Variants in RBL2 observed in about 807,000 individuals in gnomAD.
RBL2 encodes RB transcriptional corepressor like 2.
In RBL2, 56 loss-of-function variants were observed where a neutral mutation model predicts 126.0. That is an observed-to-expected ratio of 0.44 (90% CI 0.36 to 0.56). The LOEUF is 0.56. RBL2 is among the 20% of genes least tolerant of loss of function. The pLI, the probability that RBL2 is intolerant of heterozygous loss-of-function variation, is 0.00. For missense variants in RBL2, 1,229 were observed against 1,398.2 expected, an observed-to-expected ratio of 0.88 and a Z score of 1.93; for synonymous variants, 454 against 478.5, an observed-to-expected ratio of 0.95 and a Z score of 0.67.
chr16:53,474,398 C>T (rs1960642759), intron 17 of RBL2, among the ~76,000 whole-genome samples: 1 of 152,098 alleles, frequency 6.6e-6, no homozygotes, highest in African/African-American at 2.4e-5. Flanking sequence ...CTCACCGCAA[C>T]CTCCGCCTCC....
In RBL2 at chr16:53,464,372, A is replaced by C. The variant is rs760910067; in HGVS notation, c.1698+9A>C. On this transcript the variant is annotated intron_variant, in intron 12 of 21. Coordinates refer to ENST00000262133, the MANE Select transcript of RBL2 (RefSeq NM_005611.4). Reference sequence around the variant, plus strand: ...TTTATCATTTTTATAAGGTATTTTTAAAAATATGATACTAATGGGGATATT... The same window carrying C: ...TTTATCATTTTTATAAGGTATTTTTCAAAATATGATACTAATGGGGATATT... The C allele has an allele frequency of 3.9e-6, 6 of 1,549,478 alleles. No homozygotes were observed. The highest frequency in any genetic ancestry group is 3.5e-5 in the Admixed American group (2 of 57,522).
intron 17 of RBL2, among the ~76,000 whole-genome samples, chr16:53,475,343 G>A (rs939652099): frequency 1.3e-5 from 2 of 152,158 alleles, no homozygotes; most frequent in Non-Finnish European, 2.9e-5. Flanking sequence ...AGCCTCCTGA[G>A]TAGTTGGGAC....
intron 4 of RBL2, among the ~76,000 whole-genome samples, chr16:53,451,149 A>T (rs1413400052): frequency 6.8e-6 from 1 of 147,504 alleles, no homozygotes; most frequent in Non-Finnish European, 1.5e-5. Context: ...TTTAATAAAC[A>T]CTTAATGAAT....
intron 21 of RBL2, among the ~76,000 whole-genome samples, chr16:53,484,194 T>TA (rs1961068910): frequency 6.6e-6 from 1 of 152,166 alleles, no homozygotes; most frequent in Admixed American, 6.6e-5. Flanking sequence ...CGGCTTAAAT[T>TA]AGACTCTCAT....
chr16:53,470,734 T>A lies in RBL2; in HGVS notation c.2527-12T>A. 6.2e-7 allele frequency: 1 copy of A among 1,612,886 alleles called. No individual in the cohort carries two copies. The highest frequency in any genetic ancestry group is 8.5e-7 in the Non-Finnish European group (1 of 1,179,388). ...AGTGTTAAACAAAGTTTGAAATGTT[T>A]TTATCTCCTAGGTATACCATTTAGC... On this transcript the variant is annotated splice_polypyrimidine_tract_variant and intron_variant, in intron 16 of 21. Coordinates refer to ENST00000262133, the MANE Select transcript of RBL2 (RefSeq NM_005611.4).
chr16:53,437,567 T>C (rs920433424), intron 1 of RBL2, among the ~76,000 whole-genome samples: 3 of 152,210 alleles, frequency 2.0e-5, no homozygotes, highest in African/African-American at 7.2e-5. Context: ...ATTATTATTT[T>C]TGAATGATAT....
chr16:53,478,324 C>T (rs1395706976), intron 17 of RBL2, among the ~76,000 whole-genome samples: 3 of 152,066 alleles, frequency 2.0e-5, no homozygotes, highest in Non-Finnish European at 1.5e-5. Context: ...TTTATCCTAC[C>T]TGGAAGTCAC....
intron 12 of RBL2, 108 bp from the exon 13 acceptor site, chr16:53,465,330 C>T (rs200971358): frequency 3.7e-5 from 24 of 641,658 alleles, no homozygotes; most frequent in East Asian, 1.0e-4. Context: ...AAAGGAAGAG[C>T]GGCTGTTTCA....
chr16:53,467,162 T>C lies in RBL2; in HGVS notation c.1968T>C (p.Leu656=). 2.5e-6 allele frequency: 4 copies of C among 1,609,758 alleles called. No individual in the cohort carries two copies. Among genetic ancestry groups the C allele is most frequent in the Non-Finnish European group, 3.4e-6 (4 of 1,176,530 alleles). Residue 656 remains leucine (L), a synonymous_variant, in exon 14 of 22, where the codon CTT becomes CTC. Coordinates refer to ENST00000262133, the MANE Select transcript of RBL2 (RefSeq NM_005611.4). ...AAGTTCGTGCTGATACTGGAGGACT[T>C]GGAAGGAGTAAGTTTAAAATACTAG... The part of the protein sequence containing the change: ...VTEVRADTGG[L]GRSITSPTTL...
intron 5 of RBL2, among the ~76,000 whole-genome samples, chr16:53,452,936 G>A (rs934759877): frequency 3.3e-5 from 5 of 152,010 alleles, no homozygotes; most frequent in Admixed American, 6.6e-5. Context: ...TCCCAAAGTG[G>A]ATTATAGGAA....
intron 3 of RBL2, among the ~76,000 whole-genome samples, 194 bp from the exon 4 acceptor site, chr16:53,446,848 C>G (rs2058067017): frequency 6.6e-6 from 1 of 152,162 alleles, no homozygotes; most frequent in Admixed American, 6.6e-5. Context: ...TTGAGATGGG[C>G]TCTTTCCCTG....
In RBL2 at chr16:53,481,238, A is replaced by T. The variant is rs1359668334; in HGVS notation, c.3085-433A>T. 7 of 174,546 alleles carry T rather than the reference A, an allele frequency of 4.0e-5. No individual in the cohort carries two copies. The East Asian group carries it at 1.0e-3, about 26-fold the overall frequency. The allele number at this position is 174,546 out of a possible 1,614,324, so 10.8% of individuals were successfully genotyped here. On this transcript the variant is annotated intron_variant, in intron 20 of 21. Coordinates refer to ENST00000262133, the MANE Select transcript of RBL2 (RefSeq NM_005611.4). ...AATTTACCTAACCAATATAAATTCT[A>T]CTGTTGTTAAGCATTAAACGAGTAA...
At chr16:53,478,593 G>C (rs978130529) in intron 17 of RBL2, among the ~76,000 whole-genome samples, 9 of 128,062 alleles carry the variant, frequency 7.0e-5, no homozygotes, top group Non-Finnish European at 1.5e-4. Flanking sequence ...CTAGCTTCTA[G>C]TGAATTTTTC....
At chr16:53,463,501 CA>C (rs2058242500) in intron 11 of RBL2, among the ~76,000 whole-genome samples, 1 of 151,328 alleles carries the variant, frequency 6.6e-6, no homozygotes, top group South Asian at 2.1e-4. Context: ...TTCGGCCTTC[CA>C]AAGTGCTGGA....
chr16:53,458,075 T>C (rs2058185845), intron 8 of RBL2, among the ~76,000 whole-genome samples: 2 of 152,234 alleles, frequency 1.3e-5, no homozygotes. Flanking sequence ...GACTTAATTA[T>C]AGAATGAATT....
chr16:53,436,553 G>A lies in RBL2; in HGVS notation c.240+1757G>A, dbSNP rs144516637. ...TAGAGCAGCAAACCTGCTCTTGTGGGGCTTACAGTGAGGTACGCTGTGACA... is the reference window on the plus strand; with the variant it reads ...TAGAGCAGCAAACCTGCTCTTGTGGAGCTTACAGTGAGGTACGCTGTGACA... On this transcript the variant is annotated intron_variant, in intron 1 of 21. Transcript: ENST00000262133. 4.5e-3 allele frequency among the ~76,000 whole-genome samples: 686 copies of A among 152,190 alleles called. 2 individuals carry two copies. The highest frequency in any genetic ancestry group is 0.016 in the African/African-American group (665 of 41,528).
chr16:53,452,881 G>C (rs2058128881), intron 5 of RBL2, among the ~76,000 whole-genome samples: 2 of 151,964 alleles, frequency 1.3e-5, no homozygotes, highest in Admixed American at 1.3e-4. Flanking sequence ...TGTTTCCTGG[G>C]CTGGTCTCAA....
chr16:53,479,721 A>G, intron 18 of RBL2, 165 bp from the exon 19 acceptor site: 1 of 564,774 alleles, frequency 1.8e-6, no homozygotes. Context: ...CTCTGATTGA[A>G]TCCTGGATCT....
intron 2 of RBL2, among the ~76,000 whole-genome samples, chr16:53,439,614 G>T (rs2057994460): frequency 6.6e-6 from 1 of 152,072 alleles, no homozygotes; most frequent in South Asian, 2.1e-4. Context: ...TTTTAGAAAG[G>T]GTCAAATATG....
Sources: gnomAD v4.1 joint callset for allele counts (sites outside exome capture counted in the v4.1 genomes callset) on GRCh38, gnomAD v4.1.1 for gene constraint, MANE v1.5 for transcripts, NCBI Gene and HGNC (gene_info 2026-07-23, HGNC 2026-07-21) for gene names.